Variants in BCAR3 observed in about 807,000 individuals in gnomAD.
The protein encoded by BCAR3 is BCAR3 adaptor protein, NSP family member, also known as breast cancer anti-estrogen resistance protein 3.
Under a neutral mutation model 80.1 loss-of-function variants are expected in BCAR3, and 37 were observed. The ratio of observed to expected loss-of-function variants is 0.46; its 90% CI spans 0.36 to 0.61. The LOEUF is 0.61. Ranked by LOEUF, BCAR3 falls within the 20% of genes least tolerant of loss-of-function variation. The pLI, the probability that BCAR3 is intolerant of heterozygous loss-of-function variation, is 0.00. For synonymous variants in BCAR3, 389 were observed against 418.9 expected (o/e 0.93, Z 0.87); for missense variants, 978 against 1,068.2 (o/e 0.92, Z 1.18).
In BCAR3 at chr1:93,586,177, C is replaced by T. The variant is rs887170152; in HGVS notation, c.930-2056G>A. Among the ~76,000 whole-genome samples the T allele has an allele frequency of 2.6e-5, 4 of 152,192 alleles. No individual in the cohort carries two copies. The South Asian group carries it at 8.3e-4, about 32-fold the overall frequency. ...ATTTTTTGTACCCATTAACCATCCCCACCTCCCTCCCATCCCCTACTCCCC... is the reference window on the plus strand; with the variant it reads ...ATTTTTTGTACCCATTAACCATCCCTACCTCCCTCCCATCCCCTACTCCCC... On this transcript the variant is annotated intron_variant, in intron 5 of 11. Coordinates refer to ENST00000260502, the MANE Select transcript of BCAR3 (RefSeq NM_003567.4). This position sits in a 1 kb window ranked among gnomAD's most constrained non-coding sequence, Gnocchi z 4.2.
chr1:93,611,930 TG>T (rs1323813475), intron 3 of BCAR3, among the ~76,000 whole-genome samples: 1 of 152,194 alleles, frequency 6.6e-6, no homozygotes, highest in East Asian at 1.9e-4. Flanking sequence ...GCAGTATACA[TG>T]GTCAAGAATT....
At chr1:93,776,400 A>G (rs717913) in intron 2 of BCAR3, among the ~76,000 whole-genome samples, 27,292 of 152,082 alleles carry the variant, frequency 0.18, 3,540 homozygotes, top group African/African-American at 0.36. Context: ...GCGGAAATGT[A>G]CTACTGTAAG....
At chr1:93,771,870 C>A (rs150721886) in intron 2 of BCAR3, among the ~76,000 whole-genome samples, 1 of 152,270 alleles carries the variant, frequency 6.6e-6, no homozygotes, top group East Asian at 1.9e-4. Flanking sequence ...TATAGCACAT[C>A]ATAGCATTTT....
At chr1:93,677,193 G>C (rs992221177) in intron 1 of BCAR3, among the ~76,000 whole-genome samples, 2 of 152,224 alleles carry the variant, frequency 1.3e-5, no homozygotes, top group Non-Finnish European at 2.9e-5. Context: ...AAGGACTTGA[G>C]AAGGCTCAGA....
At chr1:93,746,927 C>G (rs1651378386) in intron 2 of BCAR3, among the ~76,000 whole-genome samples, 1 of 152,206 alleles carries the variant, frequency 6.6e-6, no homozygotes, top group South Asian at 2.1e-4. Context: ...CTACTCTTCT[C>G]AATCTCTTTT....
intron 2 of BCAR3, among the ~76,000 whole-genome samples, chr1:93,801,194 T>A (rs1557692837): frequency 6.6e-6 from 1 of 152,126 alleles, no homozygotes. Context: ...CATCTTTAGA[T>A]GTTTCTGAGG....
chr1:93,665,917 C>T (rs1647885455), intron 2 of BCAR3, among the ~76,000 whole-genome samples: 1 of 152,194 alleles, frequency 6.6e-6, no homozygotes, highest in African/African-American at 2.4e-5. Context: ...ATACCTCTCC[C>T]CCACCCCACC....
At chr1:93,837,870 C>T (rs1557705422) in intron 2 of BCAR3, among the ~76,000 whole-genome samples, 1 of 152,202 alleles carries the variant, frequency 6.6e-6, no homozygotes, top group Admixed American at 6.5e-5. Flanking sequence ...ATGTTAGTAC[C>T]TATGAGCTCA....
chr1:93,688,473 G>C (rs1450593656), intron 3 of BCAR3, among the ~76,000 whole-genome samples: 1 of 151,230 alleles, frequency 6.6e-6, no homozygotes, highest in Non-Finnish European at 1.5e-5. Flanking sequence ...ACACCAAAAC[G>C]TCTCTGGATA....
At chr1:93,670,618 C>T (rs1184368520) in intron 2 of BCAR3, among the ~76,000 whole-genome samples, 1 of 152,074 alleles carries the variant, frequency 6.6e-6, no homozygotes, top group African/African-American at 2.4e-5. Flanking sequence ...ATCTTAGGTG[C>T]CTCAACATCC....
At chr1:93,654,403 C>T (rs954170499) in intron 2 of BCAR3, among the ~76,000 whole-genome samples, 1 of 152,092 alleles carries the variant, frequency 6.6e-6, no homozygotes, top group Non-Finnish European at 1.5e-5. Context: ...CACCGACAGC[C>T]AGGAAACAGA....
chr1:93,786,831 C>A (rs1437525212), intron 2 of BCAR3, among the ~76,000 whole-genome samples: 1 of 152,138 alleles, frequency 6.6e-6, no homozygotes, highest in Admixed American at 6.5e-5. Context: ...GGAGTGGTAA[C>A]CCTTCCATAG....
intron 2 of BCAR3, among the ~76,000 whole-genome samples, chr1:93,839,879 C>T (rs1052601711): frequency 2.0e-5 from 3 of 152,098 alleles, no homozygotes; most frequent in African/African-American, 7.2e-5. Context: ...GCAAATGAGT[C>T]ACTGAGGGGA....
At chr1:93,710,106 T>C (rs1346307611) in intron 2 of BCAR3, among the ~76,000 whole-genome samples, 1 of 152,214 alleles carries the variant, frequency 6.6e-6, no homozygotes, top group Non-Finnish European at 1.5e-5. Flanking sequence ...TCAAGTGTCC[T>C]AGTCTCTGTA....
At chr1:93,770,797 G>C (rs1483547234) in intron 2 of BCAR3, among the ~76,000 whole-genome samples, 3 of 152,046 alleles carry the variant, frequency 2.0e-5, no homozygotes, top group African/African-American at 7.2e-5. Context: ...GAATTAGCTA[G>C]GTCCTACTAA....
chr1:93,569,076 T>C (rs531914845), intron 9 of BCAR3, among the ~76,000 whole-genome samples: 2 of 152,340 alleles, frequency 1.3e-5, no homozygotes, highest in South Asian at 2.1e-4. Context: ...TGACTCTGAC[T>C]GTCCTAAGAT....
chr1:93,746,970 C>A (rs896663222), intron 2 of BCAR3, among the ~76,000 whole-genome samples: 1 of 152,156 alleles, frequency 6.6e-6, no homozygotes, highest in Non-Finnish European at 1.5e-5. Flanking sequence ...TTTCCTTCAC[C>A]AACTCTTTCT....
At chr1:93,571,421 C>T in intron 9 of BCAR3, 1 of 437,162 alleles carries the variant, frequency 2.3e-6, no homozygotes, top group Non-Finnish European at 4.2e-6. Flanking sequence ...TCACTTAAGC[C>T]TGGGAGGTGG....
At chr1:93,660,074 G>C (rs1361263835) in intron 2 of BCAR3, among the ~76,000 whole-genome samples, 1 of 152,054 alleles carries the variant, frequency 6.6e-6, no homozygotes, top group Non-Finnish European at 1.5e-5. Context: ...GTGTGTGTGT[G>C]TGTGTGTGTT....
Sources: gnomAD v4.1 joint callset for allele counts (sites outside exome capture counted in the v4.1 genomes callset) on GRCh38, gnomAD v4.1.1 for gene constraint, Gnocchi (gnomAD v3.1) non-coding constraint, MANE v1.5 for transcripts, NCBI Gene and HGNC (gene_info 2026-07-23, HGNC 2026-07-21) for gene names.